The following LOXHD1 variants were observed in gnomAD, a reference collection of about 807,000 sequenced individuals.
LOXHD1 encodes lipoxygenase homology PLAT domains 1.
LOXHD1 carries 205 observed loss-of-function variants against 248.2 expected under a neutral mutation model. The observed-to-expected ratio is 0.83, with a 90% CI of 0.74 to 0.93. The LOEUF is 0.93. LOXHD1 is among the 40% of genes least tolerant of loss of function. The pLI, the probability that LOXHD1 is intolerant of heterozygous loss-of-function variation, is 0.00. For synonymous variants in LOXHD1, 1,113 were observed against 1,162.8 expected, an observed-to-expected ratio of 0.96 and a Z score of 0.87; for missense variants, 2,930 against 2,971.6, an observed-to-expected ratio of 0.99 and a Z score of 0.33.
chr18:46,574,661 C>T (rs886288358), intron 14 of LOXHD1, among the ~76,000 whole-genome samples: 2 of 151,476 alleles, frequency 1.3e-5, no homozygotes, highest in Non-Finnish European at 2.9e-5. Flanking sequence ...TGTTTGGGGG[C>T]AGGGAGGACT....
At chr18:46,555,209 C>T (rs1311538902) in intron 21 of LOXHD1, 2 of 470,396 alleles carry the variant, frequency 4.3e-6, no homozygotes, top group East Asian at 1.4e-4. Flanking sequence ...CCTTTCCAAG[C>T]TTAAATGCCT....
Position 46,592,561 on chromosome 18 carries a change from C to A in LOXHD1, c.1455G>T (p.Arg485Ser). Residue 485 changes from arginine to serine, a missense_variant, in exon 11 of 41, where the codon AGG becomes AGT. Arg to Ser is a moderately radical substitution (Grantham distance 110). Coordinates refer to ENST00000642948, the MANE Select transcript of LOXHD1 (RefSeq NM_001384474.1). ...KFRIELPDLG[R>S]FYKIRVWHDK... ...CATGCCATACTCGAATCTTATAAAACCTGCCAAGATCCGGGAGCTCAATCT... is the reference window on the plus strand; with the variant it reads ...CATGCCATACTCGAATCTTATAAAAACTGCCAAGATCCGGGAGCTCAATCT... 3.2e-6 allele frequency: 5 copies of A among 1,551,600 alleles called. No individual in the cohort carries two copies. The highest frequency in any genetic ancestry group is 4.4e-6 in the Non-Finnish European group (5 of 1,146,938).
At chr18:46,496,377 A>G (rs56210200) in intron 37 of LOXHD1, among the ~76,000 whole-genome samples, 53,179 of 152,150 alleles carry the variant, frequency 0.35, 10,686 homozygotes, top group East Asian at 0.61. Flanking sequence ...AGATTGCTAC[A>G]CTTTAAGTTA....
intron 12 of LOXHD1, 70 bp downstream of exon 12, chr18:46,591,863 G>A: frequency 6.5e-7 from 1 of 1,530,870 alleles, no homozygotes; most frequent in Non-Finnish European, 8.8e-7. Context: ...TCAGCTCATA[G>A]GTCAGGCCCA....
Position 46,520,854 on chromosome 18 carries a change from T to C in LOXHD1, c.5271+243A>G. Reference sequence around the variant, plus strand: ...AGGGATGCATTATTTCTAAGCAGTGTATGGGAAGACCAAGGCCCAGAGAAA... The same window carrying C: ...AGGGATGCATTATTTCTAAGCAGTGCATGGGAAGACCAAGGCCCAGAGAAA... On this transcript the variant is annotated intron_variant, in intron 33 of 40. Transcript: ENST00000642948. 7 of 528,616 alleles carry C rather than the reference T, an allele frequency of 1.3e-5. No individual in the cohort carries two copies. The South Asian group carries it at 1.9e-4, about 14-fold the overall frequency. The allele number at this position is 528,616 out of a possible 1,614,324, so 32.7% of individuals were successfully genotyped here.
At chr18:46,651,696 A>C (rs572473312) in intron 1 of LOXHD1, among the ~76,000 whole-genome samples, 1 of 152,188 alleles carries the variant, frequency 6.6e-6, no homozygotes, top group African/African-American at 2.4e-5. Context: ...GAGACCATCG[A>C]GAGAAAGGCA....
intron 21 of LOXHD1, among the ~76,000 whole-genome samples, chr18:46,553,365 G>A (rs1297443329): frequency 6.6e-6 from 1 of 152,190 alleles, no homozygotes. Context: ...GCTCAGAGGA[G>A]TAAAGTGCCT....
chr18:46,556,238 C>T (rs2037324578), intron 21 of LOXHD1, among the ~76,000 whole-genome samples: 1 of 152,048 alleles, frequency 6.6e-6, no homozygotes, highest in Non-Finnish European at 1.5e-5. Flanking sequence ...AAAATATTTA[C>T]TATCTGGTCT....
rs770068342 is a variant in LOXHD1 at position 46,566,293 on chromosome 18, C to A, written c.2401G>T (p.Glu801Ter). 6.4e-7 allele frequency: 1 copy of A among 1,551,858 alleles called. No homozygotes were observed. The highest frequency in any genetic ancestry group is 8.7e-7 in the Non-Finnish European group (1 of 1,146,940). ...KNQADGRLEV[E>*]LYPSEVVEIQ... ...TCCACCACCTCGCTGGGATACAGCTCCACCTCCAGGCGCCCGTCAGCCTGG... is the reference window on the plus strand; with the variant it reads ...TCCACCACCTCGCTGGGATACAGCTACACCTCCAGGCGCCCGTCAGCCTGG... The change falls in exon 17 of 41, where the codon GAG becomes TAG. Residue 801 changes from glutamate to a stop codon, truncating the protein, a stop_gained. Coordinates refer to ENST00000642948, the MANE Select transcript of LOXHD1 (RefSeq NM_001384474.1). LOFTEE classifies it high-confidence loss of function.
chr18:46,477,697 C>T lies in LOXHD1; in HGVS notation c.6597G>A (p.Glu2199=). 6.4e-7 allele frequency: 1 copy of T among 1,551,932 alleles called. No homozygotes were observed. The highest frequency in any genetic ancestry group is 8.7e-7 in the Non-Finnish European group (1 of 1,147,038). ...GGAAGAAGCGGTCTGTGCTGCCCCG[C>T]TCGAAGAGGTTGCGCATTTTCTGCT... ...ELKQKMRNLF[E]RGSTDRFFLE... The change falls in exon 41 of 41, where the codon GAG becomes GAA. Residue 2199 remains glutamate, a synonymous_variant. Transcript: ENST00000642948.
intron 33 of LOXHD1, 72 bp downstream of exon 33, chr18:46,521,025 C>A: frequency 6.7e-7 from 1 of 1,494,790 alleles, no homozygotes; most frequent in South Asian, 1.3e-5. Context: ...CCACTTCTGT[C>A]TCCCCTGCTG....
At chr18:46,648,983 C>A (rs2039071255) in intron 2 of LOXHD1, among the ~76,000 whole-genome samples, 172 bp downstream of exon 2, 1 of 152,208 alleles carries the variant, frequency 6.6e-6, no homozygotes, top group East Asian at 1.9e-4. Flanking sequence ...GGGAGGTGCA[C>A]CGGGGGATCC....
chr18:46,507,392 G>A, intron 36 of LOXHD1, 146 bp downstream of exon 36: 3 of 834,672 alleles, frequency 3.6e-6, no homozygotes, highest in East Asian at 2.7e-5. Context: ...CAGACAGAAA[G>A]CGACACACTG....
rs181456290 is a variant in LOXHD1, at chr18:46,578,447, G to A, written c.1810-580C>T. Among the ~76,000 whole-genome samples, 27 of 152,250 alleles carry A rather than the reference G, an allele frequency of 1.8e-4. No homozygotes were observed. In the East Asian group the frequency reaches 5.0e-3, roughly 28 times the overall value. ...AGGCTGGAGAGAAAGGTGGGTGGGT[G>A]GGAAGGAGAGAGGAAATTTAAAAAG... On this transcript the variant is annotated intron_variant, in intron 13 of 40. Transcript: ENST00000642948.
At chr18:46,649,394 A>C in intron 1 of LOXHD1, 125 bp from the exon 2 acceptor site, 1 of 734,230 alleles carries the variant, frequency 1.4e-6, no homozygotes. Context: ...TCCCTGCTGC[A>C]TCCTGTAGGC....
At chr18:46,485,982 C>A (rs1356427771) in intron 38 of LOXHD1, among the ~76,000 whole-genome samples, 1 of 152,038 alleles carries the variant, frequency 6.6e-6, no homozygotes, top group East Asian at 1.9e-4. Flanking sequence ...TCTCCCTCCC[C>A]CACCCATAGT....
At chr18:46,586,034 G>A (rs2144189772) in intron 12 of LOXHD1, among the ~76,000 whole-genome samples, 1 of 152,086 alleles carries the variant, frequency 6.6e-6, no homozygotes, top group East Asian at 1.9e-4. Context: ...GTTGAATTTG[G>A]TACATCGATA....
At chr18:46,550,921 T>C (rs192051595) in intron 21 of LOXHD1, among the ~76,000 whole-genome samples, 1 of 152,252 alleles carries the variant, frequency 6.6e-6, no homozygotes, top group East Asian at 1.9e-4. Flanking sequence ...TTCCTCCTGC[T>C]GGGAAAACTA....
At chr18:46,609,226 G>A (rs2144307808) in intron 6 of LOXHD1, among the ~76,000 whole-genome samples, 1 of 152,304 alleles carries the variant, frequency 6.6e-6, no homozygotes, top group South Asian at 2.1e-4. Flanking sequence ...TCCCAGTGCT[G>A]GCGATGGTAA....
Sources: gnomAD v4.1 joint callset for allele counts (sites outside exome capture counted in the v4.1 genomes callset) on GRCh38, gnomAD v4.1.1 for gene constraint, MANE v1.5 for transcripts, NCBI Gene and HGNC (gene_info 2026-07-23, HGNC 2026-07-21) for gene names.